SGIP1: variants seen among roughly 807,000 people sequenced by gnomAD.
SGIP1 encodes SH3-containing GRB2-like protein 3-interacting protein 1.
SGIP1 carries 38 observed loss-of-function variants against 107.5 expected under a neutral mutation model. The ratio of observed to expected loss-of-function variants is 0.35; its 90% CI spans 0.27 to 0.46. The LOEUF (loss-of-function observed/expected upper bound fraction) is 0.46. Among genes scored for constraint, SGIP1 ranks in the 20% least tolerant of loss-of-function variants. The pLI is 1.00. For synonymous variants in SGIP1, 365 were observed against 366.1 expected, an observed-to-expected ratio of 1.00 and a Z score of 0.03; for missense variants, 929 against 1,019.5, an observed-to-expected ratio of 0.91 and a Z score of 1.21.
intron 1 of SGIP1, among the ~76,000 whole-genome samples, chr1:66,548,955 T>C (rs2056921177): frequency 6.6e-6 from 1 of 152,242 alleles, no homozygotes; most frequent in Non-Finnish European, 1.5e-5. Flanking sequence ...GAATTGTTCC[T>C]GGTCTAGTTT....
chr1:66,679,598 C>T (rs2086200102), intron 13 of SGIP1, 80 bp from the exon 14 acceptor site: 1 of 1,440,410 alleles, frequency 6.9e-7, no homozygotes, highest in South Asian at 1.3e-5. Flanking sequence ...ACTGAAAGCC[C>T]AAATCCTGCT....
chr1:66,613,169 T>C (rs995085743), intron 1 of SGIP1, among the ~76,000 whole-genome samples: 3 of 152,204 alleles, frequency 2.0e-5, no homozygotes, highest in Admixed American at 6.5e-5. Context: ...GTAAGTATTA[T>C]AGAAATTAAT....
At position 66,747,229 on chromosome 1, in the gene SGIP1, G is replaced by C. The variant is rs752708778; in HGVS notation, c.*4134G>C. On this transcript the variant is annotated 3_prime_UTR_variant, in exon 25 of 25. Coordinates refer to ENST00000371037, the MANE Select transcript of SGIP1 (RefSeq NM_032291.4). ...TTTGGGAATATACATTTTGATAAGTGCTCCAAATTTGAGAATCATTGCTCT... is the reference window on the plus strand; with the variant it reads ...TTTGGGAATATACATTTTGATAAGTCCTCCAAATTTGAGAATCATTGCTCT... 5 of 152,024 alleles carry C rather than the reference G, an allele frequency of 3.3e-5. No homozygotes were observed. Among genetic ancestry groups the C allele is most frequent in the Non-Finnish European group, 7.4e-5 (5 of 67,888 alleles). The allele number at this position is 152,024 out of a possible 1,614,324, so 9.4% of individuals were successfully genotyped here. A position where few individuals can be genotyped will look rare whatever the true frequency, so the allele number is the denominator to read the frequency against.
chr1:66,569,654 C>G (rs962417696), intron 1 of SGIP1, among the ~76,000 whole-genome samples: 3 of 151,666 alleles, frequency 2.0e-5, no homozygotes, highest in Non-Finnish European at 4.4e-5. Context: ...TTTGCTAATA[C>G]TTTATTGAGA....
chr1:66,578,285 A>G (rs2061351806), intron 1 of SGIP1, among the ~76,000 whole-genome samples: 1 of 152,130 alleles, frequency 6.6e-6, no homozygotes, highest in Non-Finnish European at 1.5e-5. Flanking sequence ...TTGTAACTTT[A>G]AAAAGCTTCC....
chr1:66,653,603 A>G (rs1320448214), intron 7 of SGIP1, among the ~76,000 whole-genome samples: 1 of 152,206 alleles, frequency 6.6e-6, no homozygotes, highest in Non-Finnish European at 1.5e-5. Flanking sequence ...TTCTGGAAAC[A>G]TGATCACCAT....
chr1:66,718,553 A>C (rs1214578206), intron 18 of SGIP1, among the ~76,000 whole-genome samples: 1 of 152,120 alleles, frequency 6.6e-6, no homozygotes, highest in South Asian at 2.1e-4. Context: ...GGGAATAATC[A>C]TACCTATCCC....
Position 66,659,950 on chromosome 1 carries a change from A to AAGAG in SGIP1, c.460-562_460-561insGAGA, listed in dbSNP as rs752459188. On this transcript the variant is annotated intron_variant, in intron 7 of 24. Coordinates refer to ENST00000371037, the MANE Select transcript of SGIP1 (RefSeq NM_032291.4). ...AAAAAGAGAGAAAGAAAAAGAAAGA[A>AAGAG]AAAGAAAGAAAGAAAGAAAGAAAGA... is the stretch of plus-strand genomic sequence containing the variant. Among the ~76,000 whole-genome samples, 10 of 43,036 alleles carry AAGAG rather than the reference A, an allele frequency of 2.3e-4. No homozygotes were observed. In the East Asian group the frequency reaches 0.056, roughly 239 times the overall value. 28.2% of individuals were successfully genotyped at this position (43,036 alleles called of 152,430 possible).
intron 1 of SGIP1, among the ~76,000 whole-genome samples, chr1:66,565,541 C>T (rs543449492): frequency 1.1e-4 from 17 of 151,922 alleles, no homozygotes; most frequent in Admixed American, 1.0e-3. Flanking sequence ...TACATGAAAA[C>T]GATGAGGCAG....
chr1:66,670,430 A>G (rs750488274), intron 9 of SGIP1, among the ~76,000 whole-genome samples: 6 of 152,220 alleles, frequency 3.9e-5, no homozygotes, highest in Non-Finnish European at 7.3e-5. Context: ...AATTGGGAGG[A>G]TGAGTGCATA....
intron 1 of SGIP1, among the ~76,000 whole-genome samples, chr1:66,543,919 C>T (rs1014383866): frequency 6.6e-6 from 1 of 152,098 alleles, no homozygotes; most frequent in Non-Finnish European, 1.5e-5. Flanking sequence ...TTTTCTCAAC[C>T]TATATACCCA....
At position 66,732,736 on chromosome 1, in the gene SGIP1, C is replaced by CTT. The variant is rs150404620; in HGVS notation, c.1899-1003_1899-1002dup. Among the ~76,000 whole-genome samples, 385 of 150,098 alleles carry CTT rather than the reference C, an allele frequency of 2.6e-3. 3 individuals carry two copies. The highest frequency in any genetic ancestry group is 3.8e-3 in the Non-Finnish European group (253 of 67,396). ...CTCTTCTCAACCCCTAATTTTCTCT[C>CTT]TTTTTTTTTTAACAAGTTTGCTCAT... On this transcript the variant is annotated intron_variant, in intron 20 of 24. Coordinates refer to ENST00000371037, the MANE Select transcript of SGIP1 (RefSeq NM_032291.4).
intron 1 of SGIP1, among the ~76,000 whole-genome samples, chr1:66,543,510 CTG>C (rs2148097066): frequency 6.6e-6 from 1 of 152,318 alleles, no homozygotes; most frequent in Admixed American, 6.5e-5. Context: ...GATTCCAAAA[CTG>C]TGAATAGACA....
chr1:66,687,551 A>G (rs1319610678), intron 15 of SGIP1, among the ~76,000 whole-genome samples: 1 of 152,186 alleles, frequency 6.6e-6, no homozygotes, highest in Admixed American at 6.5e-5. Flanking sequence ...AAAATGTGGG[A>G]CTATACACCA....
chr1:66,578,637 G>A (rs781769519), intron 1 of SGIP1, among the ~76,000 whole-genome samples: 3 of 151,972 alleles, frequency 2.0e-5, no homozygotes, highest in African/African-American at 4.8e-5. Context: ...CATATCCTAC[G>A]CCCTTAATTG....
At chr1:66,634,049 T>C in intron 3 of SGIP1, 1 of 1,556,146 alleles carries the variant, frequency 6.4e-7, no homozygotes, top group South Asian at 1.2e-5. Flanking sequence ...GATCAGACAT[T>C]GGGTAACACT....
chr1:66,608,860 G>A lies in SGIP1; in HGVS notation c.11-16987G>A, dbSNP rs549729510. Among the ~76,000 whole-genome samples, 9 of 152,270 alleles carry A rather than the reference G, an allele frequency of 5.9e-5. No individual in the cohort carries two copies. The East Asian group carries it at 1.5e-3, about 26-fold the overall frequency. On this transcript the variant is annotated intron_variant, in intron 1 of 24. Transcript: ENST00000371037. ...CTTCTGCTTCTTCATTTACTTTGCT[G>A]TATTTTTAGGGTGTTTGCTGTATGT... is the stretch of plus-strand genomic sequence containing the variant.
At chr1:66,725,377 G>T (rs1319478305) in intron 19 of SGIP1, among the ~76,000 whole-genome samples, 1 of 152,176 alleles carries the variant, frequency 6.6e-6, no homozygotes, top group African/African-American at 2.4e-5. Context: ...AATATCCAAG[G>T]TGACTGTAGG....
intron 13 of SGIP1, among the ~76,000 whole-genome samples, chr1:66,678,474 T>C (rs2149944033): frequency 6.6e-6 from 1 of 152,352 alleles, no homozygotes; most frequent in African/African-American, 2.4e-5. Flanking sequence ...CAGTATTTTA[T>C]TTGTTTTTAT....
Sources: allele counts gnomAD v4.1 joint callset (sites outside exome capture counted in the v4.1 genomes callset), GRCh38; gene constraint gnomAD v4.1.1; transcripts MANE v1.5; gene names NCBI Gene and HGNC (gene_info 2026-07-23, HGNC 2026-07-21).